VDR: variants seen among roughly 807,000 people sequenced by gnomAD.
The protein encoded by VDR is vitamin D receptor, also known as vitamin D3 receptor.
A neutral mutation model predicts 39.7 loss-of-function variants in VDR; 19 were observed. The ratio of observed to expected loss-of-function variants is 0.48; its 90% CI spans 0.33 to 0.70. VDR has a LOEUF of 0.70. VDR is among the 30% of genes least tolerant of loss of function. VDR has a pLI of 0.02. For synonymous variants in VDR, 242 were observed against 215.8 expected (o/e 1.12, Z -1.07); for missense variants, 442 against 570.5 (o/e 0.77, Z 2.29).
intron 7 of VDR, among the ~76,000 whole-genome samples, chr12:47,850,726 C>T (rs1407347441): frequency 3.3e-5 from 5 of 152,122 alleles, no homozygotes; most frequent in African/African-American, 4.8e-5. Flanking sequence ...AGCACAGCTC[C>T]GTTCCCCCTC....
At chr12:47,858,674 G>A (rs558615612) in intron 4 of VDR, among the ~76,000 whole-genome samples, 2 of 152,262 alleles carry the variant, frequency 1.3e-5, no homozygotes, top group Non-Finnish European at 2.9e-5. Flanking sequence ...CTTGCTGAGT[G>A]CTGACGGCAG....
At chr12:47,855,154 C>T (rs2137140476) in intron 7 of VDR, among the ~76,000 whole-genome samples, 1 of 152,214 alleles carries the variant, frequency 6.6e-6, no homozygotes, top group East Asian at 1.9e-4. Flanking sequence ...GTGGTGAAAC[C>T]CCGTCTCTAC....
intron 1 of VDR, chr12:47,882,989 C>G (rs1279446604): frequency 2.0e-6 from 1 of 510,498 alleles, no homozygotes; most frequent in Non-Finnish European, 3.4e-6. Context: ...GGCCCTCCCT[C>G]GAGGCAGGGA....
intron 4 of VDR, among the ~76,000 whole-genome samples, chr12:47,859,907 TTCC>T (rs1565615279): frequency 6.7e-5 from 3 of 44,978 alleles, no homozygotes; most frequent in South Asian, 1.8e-3. Context: ...CCTTCCTTCC[TTCC>T]TTCCTTCTTT....
At chr12:47,902,486 C>T (rs1046542506) in intron 1 of VDR, among the ~76,000 whole-genome samples, 1 of 152,222 alleles carries the variant, frequency 6.6e-6, no homozygotes, top group Admixed American at 6.5e-5. Context: ...CCTGCTATCC[C>T]TCAGAGGGCC....
intron 4 of VDR, among the ~76,000 whole-genome samples, chr12:47,862,100 G>GT (rs1343236742): frequency 2.0e-5 from 3 of 152,220 alleles, no homozygotes; most frequent in Non-Finnish European, 4.4e-5. Flanking sequence ...ACATACATCT[G>GT]TAAAAACATC....
At chr12:47,894,959 C>T (rs889438603) in intron 1 of VDR, among the ~76,000 whole-genome samples, 6 of 152,220 alleles carry the variant, frequency 3.9e-5, no homozygotes, top group East Asian at 1.9e-4. Context: ...TTCCATCCTC[C>T]GTGGCTACAA....
At chr12:47,863,352 G>T (rs548568409) in intron 4 of VDR, among the ~76,000 whole-genome samples, 1 of 152,320 alleles carries the variant, frequency 6.6e-6, no homozygotes, top group African/African-American at 2.4e-5. Flanking sequence ...TAGGAGAGGG[G>T]CCTCTTGGGC....
intron 6 of VDR, among the ~76,000 whole-genome samples, chr12:47,856,468 A>G (rs1275072073): frequency 1.3e-5 from 2 of 152,212 alleles, no homozygotes; most frequent in African/African-American, 4.8e-5. Context: ...GGGATTAGGT[A>G]CATTATTGTA....
At chr12:47,872,981 G>C (rs1418117874) in intron 3 of VDR, among the ~76,000 whole-genome samples, 1 of 152,184 alleles carries the variant, frequency 6.6e-6, no homozygotes, top group Non-Finnish European at 1.5e-5. Context: ...TTAAGTCACA[G>C]CTAGCAAGTC....
chr12:47,898,674 C>A, intron 1 of VDR: 1 of 155,184 alleles, frequency 6.4e-6, no homozygotes. Context: ...CAATGGAATT[C>A]TACACAGCAG....
chr12:47,842,331 G>A lies in VDR; in HGVS notation c.*2415C>T, dbSNP rs1331916538. ...AAGGAAGGAAAGGGTCCCAGATCCA[G>A]ACTTGCTCTTTCTGAAATCCAGGGC... On this transcript the variant is annotated 3_prime_UTR_variant, in exon 10 of 10. Coordinates refer to ENST00000549336, the MANE Select transcript of VDR (RefSeq NM_000376.3). 1 of 152,406 alleles carries A rather than the reference G, an allele frequency of 6.6e-6. No homozygotes were observed. Among genetic ancestry groups the A allele is most frequent in the Non-Finnish European group, 1.5e-5 (1 of 68,078 alleles). 9.4% of individuals were successfully genotyped at this position (152,406 alleles called of 1,614,324 possible). A position where few individuals can be genotyped will look rare whatever the true frequency, so the allele number is the denominator to read the frequency against.
At chr12:47,889,660 G>C (rs1946326692) in intron 1 of VDR, among the ~76,000 whole-genome samples, 1 of 152,186 alleles carries the variant, frequency 6.6e-6, no homozygotes, top group African/African-American at 2.4e-5. Context: ...AAGTTGATGA[G>C]ACAAGGAGGC....
At chr12:47,882,636 A>ACCCC in intron 2 of VDR, 58 bp downstream of exon 2, 14 of 266,078 alleles carry the variant, frequency 5.3e-5, no homozygotes, top group South Asian at 1.5e-4. Flanking sequence ...CCTCCCCCCC[A>ACCCC]CCCCGCCCCT....
Position 47,846,819 on chromosome 12 carries a change from GGGAGGGAAGGA to G in VDR, c.756-22_756-12del, listed in dbSNP as rs779442226. ...TCAGAGGTGAGGTCTCTGCAGGGGA[GGGAGGGAAGGA>G]GGTCAGGTTACCAGTAAACGCCTTC... is the stretch of plus-strand genomic sequence containing the variant. On this transcript the variant is annotated splice_polypyrimidine_tract_variant and intron_variant, in intron 7 of 9. Coordinates refer to ENST00000549336, the MANE Select transcript of VDR (RefSeq NM_000376.3). 6.2e-7 allele frequency: 1 copy of G among 1,614,150 alleles called. No homozygotes were observed. The highest frequency in any genetic ancestry group is 1.1e-5 in the South Asian group (1 of 91,080).
chr12:47,866,102 C>A (rs991071457), intron 3 of VDR, among the ~76,000 whole-genome samples: 1 of 147,746 alleles, frequency 6.8e-6, no homozygotes, highest in Admixed American at 6.8e-5. Flanking sequence ...AGTGCATTTC[C>A]CTAGAAAAAA....
chr12:47,854,208 A>C (rs1335316301), intron 7 of VDR, among the ~76,000 whole-genome samples: 1 of 151,804 alleles, frequency 6.6e-6, no homozygotes, highest in Non-Finnish European at 1.5e-5. Context: ...TGTAGCCTTG[A>C]CCTCCTGGGC....
chr12:47,878,011 A>G (rs1946042513), intron 3 of VDR, among the ~76,000 whole-genome samples: 1 of 152,170 alleles, frequency 6.6e-6, no homozygotes, highest in Non-Finnish European at 1.5e-5. Context: ...AGAGTCCCAC[A>G]CAAGCGCCTG....
At position 47,844,885 on chromosome 12, in the gene VDR, T is replaced by C. The variant is rs374916384; in HGVS notation, c.1145A>G (p.Lys382Arg). 2 of 1,614,082 alleles carry C rather than the reference T, an allele frequency of 1.2e-6. No individual in the cohort carries two copies. The highest frequency in any genetic ancestry group is 2.7e-5 in the African/African-American group (2 of 74,928). The change falls in exon 10 of 10, where the codon AAG becomes AGG. Residue 382 changes from lysine (K) to arginine (R), a missense_variant. Lys to Arg is a conservative substitution (Grantham distance 26, BLOSUM62 2). Around this residue, in one of 5 missense-constraint regions of VDR, gnomAD observed 173 missense variants for 252.0 expected, o/e 0.69. Transcript: ENST00000549336. ...CAGGTCGGCTAGCTTCTGGATCATC[T>C]TGGCATAGAGCAGGTGGCTGCCCGG... is the stretch of plus-strand genomic sequence containing the variant. The part of the protein sequence containing the change: ...PPPGSHLLYA[K>R]MIQKLADLRS...
Sources: allele counts gnomAD v4.1 joint callset (sites outside exome capture counted in the v4.1 genomes callset), GRCh38; gene constraint gnomAD v4.1.1; regional missense constraint gnomAD v4.1.1; transcripts MANE v1.5; gene names NCBI Gene and HGNC (gene_info 2026-07-23, HGNC 2026-07-21).